The following ADARB1 variants were observed in gnomAD, a reference collection of about 807,000 sequenced individuals.
The protein encoded by ADARB1 is double-stranded RNA-specific editase 1.
ADARB1 carries 10 observed loss-of-function variants against 52.4 expected under a neutral mutation model. That is an observed-to-expected ratio of 0.19 (90% confidence interval 0.12 to 0.32). The LOEUF is 0.32. Ranked by LOEUF, ADARB1 falls within the 10% of genes least tolerant of loss-of-function variation. The pLI is 1.00. For synonymous variants in ADARB1, 349 were observed against 371.1 expected (o/e 0.94, Z 0.68); for missense variants, 643 against 922.3 (o/e 0.70, Z 3.92).
intron 1 of ADARB1, among the ~76,000 whole-genome samples, chr21:45,127,932 C>T (rs368772641): frequency 9.8e-5 from 15 of 152,320 alleles, no homozygotes; most frequent in African/African-American, 3.6e-4. Context: ...GATACTGTTT[C>T]ACAACCTCTG....
chr21:45,148,119 G>A (rs1294951740), intron 2 of ADARB1, among the ~76,000 whole-genome samples: 4 of 152,304 alleles, frequency 2.6e-5, no homozygotes, highest in South Asian at 2.1e-4. Flanking sequence ...CTGCTTCCCC[G>A]AGGATCCTGC....
chr21:45,084,936 C>T lies in ADARB1; in HGVS notation c.-220+10143C>T, dbSNP rs370985019. On this transcript the variant is annotated intron_variant, in intron 1 of 10. Coordinates refer to ENST00000348831, the MANE Select transcript of ADARB1 (RefSeq NM_001112.4). ...ATGTAAAGTGGCTTCTCGTAGTCTTCGTGAGGCTCTGGAGTCAGACACAAT... is the reference window on the plus strand; with the variant it reads ...ATGTAAAGTGGCTTCTCGTAGTCTTTGTGAGGCTCTGGAGTCAGACACAAT... 8.5e-5 allele frequency among the ~76,000 whole-genome samples: 13 copies of T among 152,288 alleles called. No homozygotes were observed. In the East Asian group the frequency reaches 1.2e-3, roughly 14 times the overall value.
intron 2 of ADARB1, among the ~76,000 whole-genome samples, chr21:45,130,910 A>T (rs1162266652): frequency 6.6e-6 from 1 of 152,212 alleles, no homozygotes; most frequent in Non-Finnish European, 1.5e-5. Context: ...CCCCTGCGCA[A>T]GAGGAATTGC....
chr21:45,156,339 T>A (rs1397206946), intron 2 of ADARB1, among the ~76,000 whole-genome samples: 1 of 82,970 alleles, frequency 1.2e-5, no homozygotes, highest in Non-Finnish European at 2.5e-5. Flanking sequence ...CCATCACCCA[T>A]CATCCATCTA....
chr21:45,205,299 A>G (rs1432027921), intron 9 of ADARB1, among the ~76,000 whole-genome samples: 1 of 152,198 alleles, frequency 6.6e-6, no homozygotes, highest in Admixed American at 6.5e-5. Flanking sequence ...ATGAAAAATG[A>G]AAAGAATGAA....
At chr21:45,113,453 A>G (rs1187695357) in intron 1 of ADARB1, among the ~76,000 whole-genome samples, 1 of 150,080 alleles carries the variant, frequency 6.7e-6, no homozygotes. Context: ...CTATATATAT[A>G]TATGTGTGTG....
rs1261179121 is a variant in ADARB1 at position 45,172,865 on chromosome 21, C to T, written c.28+1181C>T. Among the ~76,000 whole-genome samples the T allele has an allele frequency of 6.6e-6, 1 of 152,230 alleles. No individual in the cohort carries two copies. The highest frequency in any genetic ancestry group is 1.5e-5 in the Non-Finnish European group (1 of 68,042). ...CAGGTTTTTATCCTCATCAATCCTG[C>T]TCTTGAGATCTTTTAAAAACCCAGC... On this transcript the variant is annotated intron_variant, in intron 3 of 10. Coordinates refer to ENST00000348831, the MANE Select transcript of ADARB1 (RefSeq NM_001112.4). This position sits in a 1 kb window ranked among gnomAD's most constrained non-coding sequence, Gnocchi z 4.4.
chr21:45,192,097 C>T (rs116960186), intron 8 of ADARB1, among the ~76,000 whole-genome samples: 156 of 151,390 alleles, frequency 1.0e-3, no homozygotes, highest in Non-Finnish European at 1.8e-3. Context: ...ATAAGCCAGT[C>T]GATTGTGGCA....
At chr21:45,122,252 A>G (rs775128987) in intron 1 of ADARB1, among the ~76,000 whole-genome samples, 2 of 152,226 alleles carry the variant, frequency 1.3e-5, no homozygotes, top group Non-Finnish European at 2.9e-5. Flanking sequence ...AATTATAATG[A>G]TAAATATCAC....
At chr21:45,169,813 C>G (rs893978628) in intron 2 of ADARB1, among the ~76,000 whole-genome samples, 1 of 152,236 alleles carries the variant, frequency 6.6e-6, no homozygotes, top group African/African-American at 2.4e-5. Flanking sequence ...AGTGCCCTCA[C>G]ACAAGCCACC....
At chr21:45,094,226 G>A (rs2123697592) in intron 1 of ADARB1, among the ~76,000 whole-genome samples, 1 of 152,272 alleles carries the variant, frequency 6.6e-6, no homozygotes, top group Admixed American at 6.5e-5. Context: ...GTCTGTTAAA[G>A]CAATTAGCGT....
At chr21:45,188,133 G>A (rs2092169264) in intron 8 of ADARB1, among the ~76,000 whole-genome samples, 1 of 151,760 alleles carries the variant, frequency 6.6e-6, no homozygotes, top group Admixed American at 6.6e-5. Flanking sequence ...TTGAGATGGA[G>A]TCTCGCTCTG....
At chr21:45,102,452 GC>G (rs1376472349) in intron 1 of ADARB1, among the ~76,000 whole-genome samples, 8 of 152,266 alleles carry the variant, frequency 5.3e-5, no homozygotes, top group Admixed American at 3.3e-4. Context: ...CCATAAAACA[GC>G]ATATAAAAAA....
At chr21:45,166,767 G>A (rs2091268703) in intron 2 of ADARB1, among the ~76,000 whole-genome samples, 1 of 152,202 alleles carries the variant, frequency 6.6e-6, no homozygotes, top group Non-Finnish European at 1.5e-5. Context: ...GTCTTCTGCA[G>A]TCAAGTTCAA....
chr21:45,113,158 C>T (rs373143537), intron 1 of ADARB1, among the ~76,000 whole-genome samples: 16 of 152,246 alleles, frequency 1.1e-4, no homozygotes, highest in African/African-American at 3.6e-4. Context: ...GGCTCGGTGG[C>T]TCACGCCTGT....
At chr21:45,141,555 G>T (rs530398491) in intron 2 of ADARB1, among the ~76,000 whole-genome samples, 1 of 152,266 alleles carries the variant, frequency 6.6e-6, no homozygotes, top group South Asian at 2.1e-4. Context: ...TGTCCTTCAA[G>T]GGTGATAGTC....
At position 45,180,369 on chromosome 21, in the gene ADARB1, T is replaced by C; in HGVS notation, c.1003T>C (p.Phe335Leu). The stretch of plus-strand genomic sequence containing the variant: ...TGTCTCACGCCTGGTCCTGGGTAAG[T>C]TTGGTGACCTGACCGACAACTTCTC... ...DAVSRLVLGK[F>L]GDLTDNFSSP... The change falls in exon 5 of 11, where the codon TTT (phenylalanine) becomes CTT (leucine). Residue 335 changes from phenylalanine (F) to leucine (L), a missense_variant. Coordinates refer to ENST00000348831, the MANE Select transcript of ADARB1 (RefSeq NM_001112.4). 1 of 1,614,156 alleles carries C rather than the reference T, an allele frequency of 6.2e-7. No individual in the cohort carries two copies.
At position 45,184,577 on chromosome 21, in the gene ADARB1, A is replaced by G. The variant is rs760230723; in HGVS notation, c.1397-346A>G. 5.9e-6 allele frequency: 2 copies of G among 339,934 alleles called. 1 individual carries two copies. Among genetic ancestry groups the G allele is most frequent in the South Asian group, 4.7e-5 (2 of 42,454 alleles). The allele number at this position is 339,934 out of a possible 1,614,324, so 21.1% of individuals were successfully genotyped here. A position where few individuals can be genotyped will look rare whatever the true frequency, so the allele number is the denominator to read the frequency against. Reference sequence around the variant, plus strand: ...GCGATCCTTCCACCTCAACCTTCCAAGGAGCTGGGACTACAGGCATGTACC... The same window carrying G: ...GCGATCCTTCCACCTCAACCTTCCAGGGAGCTGGGACTACAGGCATGTACC... On this transcript the variant is annotated intron_variant, in intron 7 of 10. Transcript: ENST00000348831.
At chr21:45,201,576 G>A (rs2092554194) in intron 8 of ADARB1, among the ~76,000 whole-genome samples, 1 of 152,122 alleles carries the variant, frequency 6.6e-6, no homozygotes, top group African/African-American at 2.4e-5. Context: ...TTTCCATTTT[G>A]GAAGGTGGAA....
Sources: gnomAD v4.1 joint callset for allele counts (sites outside exome capture counted in the v4.1 genomes callset) on GRCh38, gnomAD v4.1.1 for gene constraint, Gnocchi (gnomAD v3.1) non-coding constraint, MANE v1.5 for transcripts, NCBI Gene and HGNC (gene_info 2026-07-23, HGNC 2026-07-21) for gene names.